The following RFX8 variants were observed in gnomAD, a reference collection of about 807,000 sequenced individuals.
The protein encoded by RFX8 is DNA-binding protein RFX8.
A neutral mutation model predicts 54.6 loss-of-function variants in RFX8; 46 were observed. The observed-to-expected ratio is 0.84, with a 90% confidence interval of 0.67 to 1.08. The LOEUF (loss-of-function observed/expected upper bound fraction) is 1.08. RFX8 is among the 50% of genes least tolerant of loss of function. The probability of loss-of-function intolerance (pLI) is 0.00; values close to 1 mark genes in which losing one functional copy is unlikely to be tolerated. For missense variants in RFX8, 536 were observed against 562.3 expected, an observed-to-expected ratio of 0.95 and a Z score of 0.47; for synonymous variants, 192 against 209.5, an observed-to-expected ratio of 0.92 and a Z score of 0.72.
rs755460673 is a variant in RFX8 at position 101,414,895 on chromosome 2, T to C, written c.520A>G (p.Lys174Glu). Residue 174 changes from lysine (K) to glutamate (E), a missense_variant, in exon 7 of 12, where the codon AAA (lysine) becomes GAA (glutamate). Lys to Glu is a moderately conservative substitution (Grantham distance 56, BLOSUM62 1). Transcript: ENST00000428343. ...SKLKEVTLFV[K>E]RLRRKTYLSN... is the part of the protein sequence containing the mutation. ...AGGTACGTCTTTCTTCTTAGTCTTTTGACAAATAGAGTAACTTCTGTTAAG... is the reference window on the plus strand; with the variant it reads ...AGGTACGTCTTTCTTCTTAGTCTTTCGACAAATAGAGTAACTTCTGTTAAG... 6.5e-6 allele frequency: 10 copies of C among 1,550,158 alleles called. No individual in the cohort carries two copies. Among genetic ancestry groups the C allele is most frequent in the South Asian group, 5.9e-5 (5 of 84,048 alleles).
At chr2:101,438,339 C>T (rs6744649) in intron 2 of RFX8, among the ~76,000 whole-genome samples, 115,170 of 152,134 alleles carry the variant, frequency 0.76, 44,548 homozygotes, top group Middle Eastern at 0.88. Flanking sequence ...AATAGTACTC[C>T]ACTGTGTATA....
chr2:101,474,360 C>G (rs1690188198), intron 1 of RFX8: 1 of 414,706 alleles, frequency 2.4e-6, no homozygotes, highest in African/African-American at 2.1e-5. Flanking sequence ...CTGCTACCGC[C>G]GCTCCTCGGT....
At chr2:101,443,641 G>C (rs546297338) in intron 2 of RFX8, among the ~76,000 whole-genome samples, 3 of 152,310 alleles carry the variant, frequency 2.0e-5, no homozygotes, top group Admixed American at 2.0e-4. Context: ...GACAGGAGTA[G>C]AGAAATGACA....
At chr2:101,457,807 G>T (rs922341904) in intron 2 of RFX8, among the ~76,000 whole-genome samples, 1 of 152,140 alleles carries the variant, frequency 6.6e-6, no homozygotes, top group Admixed American at 6.5e-5. Flanking sequence ...TGACAGTGGG[G>T]TGTTAAAAGT....
At chr2:101,422,289 C>G in intron 3 of RFX8, 73 bp downstream of exon 3, 1 of 781,564 alleles carries the variant, frequency 1.3e-6, no homozygotes, top group Non-Finnish European at 2.2e-6. Flanking sequence ...ACCACAGGCA[C>G]AAAAGGAAGC....
intron 2 of RFX8, among the ~76,000 whole-genome samples, chr2:101,430,665 C>T (rs1007527236): frequency 5.3e-5 from 8 of 152,130 alleles, no homozygotes; most frequent in African/African-American, 1.7e-4. Context: ...GCCACCCAGT[C>T]GGTGGTATTT....
intron 1 of RFX8, among the ~76,000 whole-genome samples, chr2:101,468,068 C>T (rs893090791): frequency 2.0e-5 from 3 of 152,092 alleles, no homozygotes; most frequent in Non-Finnish European, 2.9e-5. Flanking sequence ...ACTTACTTTC[C>T]TTGGGAACTA....
intron 2 of RFX8, among the ~76,000 whole-genome samples, chr2:101,442,653 G>A (rs1688161464): frequency 6.6e-6 from 1 of 151,472 alleles, no homozygotes; most frequent in Non-Finnish European, 1.5e-5. Flanking sequence ...CTGCTTCCAG[G>A]GTTTTATTTT....
chr2:101,453,000 G>A (rs1328009657), intron 2 of RFX8, among the ~76,000 whole-genome samples: 1 of 138,380 alleles, frequency 7.2e-6, no homozygotes, highest in Non-Finnish European at 1.6e-5. Context: ...AGCTACTCAG[G>A]AGGCTGAGGC....
chr2:101,409,824 C>A (rs1281112208), intron 9 of RFX8, among the ~76,000 whole-genome samples: 1 of 152,036 alleles, frequency 6.6e-6, no homozygotes, highest in Non-Finnish European at 1.5e-5. Flanking sequence ...AACCTGCAGC[C>A]CCTAGCTCTC....
chr2:101,452,630 T>C (rs914034397), intron 2 of RFX8, among the ~76,000 whole-genome samples: 1 of 152,048 alleles, frequency 6.6e-6, no homozygotes, highest in African/African-American at 2.4e-5. Context: ...AAATGAAATT[T>C]TGGGGGAAAA....
At chr2:101,446,689 G>A (rs987403852) in intron 2 of RFX8, among the ~76,000 whole-genome samples, 5 of 151,880 alleles carry the variant, frequency 3.3e-5, no homozygotes, top group African/African-American at 4.8e-5. Context: ...CAGAGTCCCC[G>A]GGACGCTAAT....
chr2:101,447,514 G>A (rs1416147075), intron 2 of RFX8, among the ~76,000 whole-genome samples: 1 of 152,080 alleles, frequency 6.6e-6, no homozygotes, highest in Non-Finnish European at 1.5e-5. Context: ...CATACTAATT[G>A]TATACATTTA....
intron 11 of RFX8, among the ~76,000 whole-genome samples, chr2:101,399,194 G>A (rs1685291990): frequency 6.6e-6 from 1 of 152,218 alleles, no homozygotes; most frequent in Non-Finnish European, 1.5e-5. Flanking sequence ...ATTGTTCAGG[G>A]AATGAGGCTG....
chr2:101,433,560 C>T lies in RFX8; in HGVS notation c.73-11088G>A, dbSNP rs527323850. On this transcript the variant is annotated intron_variant, in intron 2 of 11. Transcript: ENST00000428343. Reference sequence around the variant, plus strand: ...TCAAATGTAGTGTTAGCTTAATATGCTTTTTGGCATTAACTTTTTTTAGTC... The same window carrying T: ...TCAAATGTAGTGTTAGCTTAATATGTTTTTTGGCATTAACTTTTTTTAGTC... Among the ~76,000 whole-genome samples, 3 of 152,222 alleles carry T rather than the reference C, an allele frequency of 2.0e-5. No homozygotes were observed. The South Asian group carries it at 6.2e-4, about 32-fold the overall frequency.
intron 7 of RFX8, 129 bp downstream of exon 7, chr2:101,414,725 A>G (rs1573376973): frequency 1.5e-6 from 1 of 655,834 alleles, no homozygotes. Context: ...TGGCCAGGCA[A>G]GGCCACCCTG....
At chr2:101,440,543 G>A (rs62154279) in intron 2 of RFX8, among the ~76,000 whole-genome samples, 114,375 of 151,350 alleles carry the variant, frequency 0.76, 44,149 homozygotes, top group Middle Eastern at 0.88. Flanking sequence ...TTTCATTGCT[G>A]GGGGAGGAGT....
intron 9 of RFX8, among the ~76,000 whole-genome samples, chr2:101,406,281 G>C (rs1321672551): frequency 6.6e-6 from 1 of 151,736 alleles, no homozygotes; most frequent in East Asian, 2.0e-4. Context: ...AGTTGGTGGA[G>C]AGAAGGAGGG....
At chr2:101,449,500 G>A (rs567181259) in intron 2 of RFX8, among the ~76,000 whole-genome samples, 1 of 152,184 alleles carries the variant, frequency 6.6e-6, no homozygotes, top group Non-Finnish European at 1.5e-5. Flanking sequence ...TGACCCACGG[G>A]GGTCAGGGGT....
Sources: allele counts gnomAD v4.1 joint callset (sites outside exome capture counted in the v4.1 genomes callset), GRCh38; gene constraint gnomAD v4.1.1; transcripts MANE v1.5; gene names NCBI Gene and HGNC (gene_info 2026-07-23, HGNC 2026-07-21).